The following PUM1 variants were observed in gnomAD, a reference collection of about 807,000 sequenced individuals.
The protein encoded by PUM1 is pumilio RNA binding family member 1.
A neutral mutation model predicts 131.8 loss-of-function variants in PUM1; 13 were observed. The ratio of observed to expected loss-of-function variants is 0.10; its 90% CI spans 0.06 to 0.16. The LOEUF is 0.16. Ranked by LOEUF, PUM1 falls within the 10% of genes least tolerant of loss-of-function variation. The probability of loss-of-function intolerance (pLI) is 1.00; values close to 1 mark genes in which losing one functional copy is unlikely to be tolerated. For missense variants in PUM1, 961 were observed against 1,512.4 expected (o/e 0.64, Z 6.05); for synonymous variants, 509 against 556.5 (o/e 0.91, Z 1.20).
rs187392349 is a variant in PUM1 at position 31,005,439 on chromosome 1, C to T, written c.720+414G>A. Among the ~76,000 whole-genome samples, 796 of 152,220 alleles carry T rather than the reference C, an allele frequency of 5.2e-3. 6 individuals carry two copies. Among genetic ancestry groups the T allele is most frequent in the African/African-American group, 0.018 (735 of 41,534 alleles). On this transcript the variant is annotated intron_variant, in intron 5 of 21. Coordinates refer to ENST00000426105, the MANE Select transcript of PUM1 (RefSeq NM_001020658.2). ...TAATCTGATCTATATTAAGGTTTCT[C>T]GGGTATTGGCAAATCACTGCTCTCA...
chr1:30,969,306 A>AACAC (rs762813651), intron 10 of PUM1, among the ~76,000 whole-genome samples: 9 of 143,498 alleles, frequency 6.3e-5, no homozygotes, highest in African/African-American at 2.1e-4. Context: ...TCCATTTCAA[A>AACAC]ACACACACAC....
chr1:30,967,985 A>T (rs1423988307), intron 11 of PUM1, among the ~76,000 whole-genome samples: 1 of 152,244 alleles, frequency 6.6e-6, no homozygotes, highest in African/African-American at 2.4e-5. Flanking sequence ...ATCAAGGTAT[A>T]CCAGAAATTT....
intron 18 of PUM1, among the ~76,000 whole-genome samples, chr1:30,944,394 GA>G (rs999252257): frequency 6.6e-6 from 1 of 151,456 alleles, no homozygotes; most frequent in African/African-American, 2.4e-5. Context: ...TTGTGTTTTG[GA>G]AAAAAACAAA....
chr1:30,992,275 G>C, intron 7 of PUM1, 115 bp downstream of exon 7: 3 of 1,362,026 alleles, frequency 2.2e-6, no homozygotes, highest in South Asian at 2.8e-5. Flanking sequence ...ACAAGGGCTA[G>C]CTATGGATAG....
chr1:30,946,569 G>A (rs1045290009), intron 17 of PUM1, among the ~76,000 whole-genome samples: 8 of 149,764 alleles, frequency 5.3e-5, no homozygotes, highest in Admixed American at 2.0e-4. Flanking sequence ...CCGTGGAGGC[G>A]GAGGTTGCAG....
rs1174387462 is a variant in PUM1 at position 31,038,978 on chromosome 1, A to T, written c.364-10114T>A. 6.8e-3 allele frequency among the ~76,000 whole-genome samples: 205 copies of T among 30,018 alleles called. 7 individuals carry two copies. The highest frequency in any genetic ancestry group is 0.043 in the African/African-American group (155 of 3,564). 19.7% of individuals were successfully genotyped at this position (30,018 alleles called of 152,430 possible). A position where few individuals can be genotyped will look rare whatever the true frequency, so the allele number is the denominator to read the frequency against. On this transcript the variant is annotated intron_variant, in intron 2 of 21. Coordinates refer to ENST00000426105, the MANE Select transcript of PUM1 (RefSeq NM_001020658.2). ...AAATTTTATATATATATATATATAT[A>T]TATATATTTTTTTTTTTTTTTTCCT...
intron 14 of PUM1, among the ~76,000 whole-genome samples, chr1:30,959,703 C>T (rs1044878843): frequency 3.9e-5 from 6 of 151,958 alleles, no homozygotes; most frequent in African/African-American, 1.5e-4. Flanking sequence ...GTCAGGAGAT[C>T]GAGACCATCC....
At position 30,933,188 on chromosome 1, in the gene PUM1, A is replaced by T. The variant is rs1032316160; in HGVS notation, c.*23T>A. 17 of 1,597,656 alleles carry T rather than the reference A, an allele frequency of 1.1e-5. No homozygotes were observed. Among genetic ancestry groups the T allele is most frequent in the Non-Finnish European group, 1.5e-5 (17 of 1,171,506 alleles). ...TGGGCCAGTGAGGTCAGCGGGAATG[A>T]GGGAACAGCGGGTGACACTGCCTCA... On this transcript the variant is annotated 3_prime_UTR_variant, in exon 22 of 22. Transcript: ENST00000426105.
chr1:31,042,307 A>AAAAT (rs202126375), intron 2 of PUM1, among the ~76,000 whole-genome samples: 12,791 of 137,698 alleles, frequency 0.093, 721 homozygotes, highest in East Asian at 0.35. Context: ...CTCTGTATCA[A>AAAAT]AAATAAATAA....
At chr1:30,991,092 A>T (rs972920206) in intron 7 of PUM1, among the ~76,000 whole-genome samples, 1 of 152,140 alleles carries the variant, frequency 6.6e-6, no homozygotes, top group Non-Finnish European at 1.5e-5. Flanking sequence ...AGAGAACCAT[A>T]TATTTTTGTT....
intron 2 of PUM1, among the ~76,000 whole-genome samples, chr1:31,038,244 C>G (rs1435554053): frequency 6.6e-6 from 1 of 151,400 alleles, no homozygotes; most frequent in Non-Finnish European, 1.5e-5. Context: ...CAGAGGAGAA[C>G]TATCAGCTAC....
chr1:31,044,183 C>T (rs1643900360), intron 2 of PUM1, among the ~76,000 whole-genome samples: 3 of 152,140 alleles, frequency 2.0e-5, no homozygotes, highest in Admixed American at 2.0e-4. Flanking sequence ...AGGTGGATCA[C>T]GAGGTCAGGA....
At chr1:30,950,069 C>A (rs1299814478) in intron 17 of PUM1, 58 bp downstream of exon 17, 1 of 1,570,036 alleles carries the variant, frequency 6.4e-7, no homozygotes, top group East Asian at 2.3e-5. Flanking sequence ...ACAGGGTTCA[C>A]TACATGTACC....
intron 2 of PUM1, among the ~76,000 whole-genome samples, chr1:31,030,190 C>T (rs895510354): frequency 7.3e-5 from 11 of 151,638 alleles, no homozygotes; most frequent in Non-Finnish European, 1.6e-4. Flanking sequence ...GCCTGGGTGA[C>T]AGAGCGAGAT....
intron 20 of PUM1, among the ~76,000 whole-genome samples, chr1:30,940,919 A>T (rs1479248066): frequency 6.6e-6 from 1 of 152,242 alleles, no homozygotes; most frequent in Non-Finnish European, 1.5e-5. Context: ...TAACACTCAC[A>T]TTCTTTAGTA....
At chr1:30,952,674 C>CGGGGGGGGGGGG (rs1457814000) in intron 15 of PUM1, among the ~76,000 whole-genome samples, 1 of 43,418 alleles carries the variant, frequency 2.3e-5, no homozygotes, top group African/African-American at 6.0e-5. Flanking sequence ...AAGATGAAAG[C>CGGGGGGGGGGGG]GGGGGGGGCG....
At position 30,936,735 on chromosome 1, in the gene PUM1, A is replaced by G. The variant is rs759936107; in HGVS notation, c.3343T>C (p.Tyr1115His). 4 of 1,614,134 alleles carry G rather than the reference A, an allele frequency of 2.5e-6. No homozygotes were observed. Among genetic ancestry groups the G allele is most frequent in the Non-Finnish European group, 3.4e-6 (4 of 1,179,970 alleles). ...TMNDGPHSAL[Y>H]TMMKDQYANY... ...GCATACTGGTCCTTCATCATGGTGT[A>G]TAAGGCACTGTGGGGACCGTCGTTC... Residue 1115 changes from tyrosine (Y) to histidine (H), a missense_variant, in exon 21 of 22, where the codon TAC becomes CAC. Physicochemically the swap from Tyr to His is moderately conservative, Grantham distance 83. This residue lies in a region of PUM1 where 178 missense variants were observed against 327.5 expected (regional missense o/e 0.54). Transcript: ENST00000426105.
intron 5 of PUM1, among the ~76,000 whole-genome samples, chr1:31,005,395 C>G (rs1237514259): frequency 6.6e-6 from 1 of 152,130 alleles, no homozygotes; most frequent in Non-Finnish European, 1.5e-5. Flanking sequence ...TCGTAGCTAA[C>G]AAAACAAGAA....
At chr1:30,980,012 A>C in intron 9 of PUM1, 50 bp downstream of exon 9, 2 of 1,338,190 alleles carry the variant, frequency 1.5e-6, no homozygotes, top group Non-Finnish European at 2.1e-6. Context: ...GCCCATCTCA[A>C]ATGACTTTTC....
Sources: gnomAD v4.1 joint callset for allele counts (sites outside exome capture counted in the v4.1 genomes callset) on GRCh38, gnomAD v4.1.1 for gene constraint, gnomAD v4.1.1 regional missense constraint, MANE v1.5 for transcripts, NCBI Gene and HGNC (gene_info 2026-07-23, HGNC 2026-07-21) for gene names.